The following RBFOX1 variants were observed in gnomAD, a reference collection of about 807,000 sequenced individuals.
RBFOX1 encodes RNA binding fox-1 homolog 1.
A neutral mutation model predicts 57.7 loss-of-function variants in RBFOX1; 8 were observed. That is an observed-to-expected ratio of 0.14 (90% CI 0.08 to 0.25). The LOEUF (loss-of-function observed/expected upper bound fraction) is 0.25. Ranked by LOEUF, RBFOX1 falls within the 10% of genes least tolerant of loss-of-function variation. RBFOX1 has a pLI of 1.00. For synonymous variants in RBFOX1, 326 were observed against 222.4 expected (o/e 1.47, Z -4.15); for missense variants, 611 against 548.5 (o/e 1.11, Z -1.14).
At chr16:6,892,470 G>C (rs898858313) in intron 3 of RBFOX1, among the ~76,000 whole-genome samples, 5 of 152,102 alleles carry the variant, frequency 3.3e-5, no homozygotes, top group African/African-American at 1.2e-4. Context: ...AGACGTTTGA[G>C]ACCAGCCTGG....
At chr16:5,997,342 C>T (rs764484095) in intron 4 of RBFOX1, among the ~76,000 whole-genome samples, 1 of 152,200 alleles carries the variant, frequency 6.6e-6, no homozygotes, top group Admixed American at 6.5e-5. Context: ...ATTCTGTTGT[C>T]TAGGGCAAGG....
intron 2 of RBFOX1, among the ~76,000 whole-genome samples, chr16:6,445,568 T>C (rs1439202269): frequency 6.6e-6 from 1 of 150,572 alleles, no homozygotes; most frequent in Non-Finnish European, 1.5e-5. Flanking sequence ...CTCCTTTTTT[T>C]TTTTTTTTTT....
At chr16:7,529,832 A>T (rs376653094) in intron 5 of RBFOX1, among the ~76,000 whole-genome samples, 97 of 151,886 alleles carry the variant, frequency 6.4e-4, no homozygotes, top group African/African-American at 2.2e-3. Flanking sequence ...AACCTAGTGA[A>T]ACCCCGTCTC....
rs1157444172 is a variant in RBFOX1 at position 7,115,398 on chromosome 16, TAATTCTTTTGCCTTAGTTACC to T, written c.27+63301_27+63321del. Among the ~76,000 whole-genome samples, 15 of 152,344 alleles carry T rather than the reference TAATTCTTTTGCCTTAGTTACC, an allele frequency of 9.8e-5. No individual in the cohort carries two copies. The East Asian group carries it at 2.9e-3, about 29-fold the overall frequency. On this transcript the variant is annotated intron_variant, in intron 4 of 15. Transcript: ENST00000550418. ...TTATATTCTAATGGAAAACAGAAACTAATTCTTTTGCCTTAGTTACCTATTGCTATGTAATTACCACCTCAT... is the reference window on the plus strand; with the variant it reads ...TTATATTCTAATGGAAAACAGAAACTTATTGCTATGTAATTACCACCTCAT...
intron 5 of RBFOX1, among the ~76,000 whole-genome samples, chr16:7,548,254 C>G (rs907904124): frequency 1.3e-5 from 2 of 152,170 alleles, no homozygotes; most frequent in African/African-American, 4.8e-5. Flanking sequence ...TCACTGCAAT[C>G]TCTGACTCCT....
At chr16:5,732,353 ACTGC>A (rs2052407399) in intron 3 of RBFOX1, among the ~76,000 whole-genome samples, 2 of 152,192 alleles carry the variant, frequency 1.3e-5, no homozygotes, top group African/African-American at 2.4e-5. Flanking sequence ...ACCAACAATG[ACTGC>A]CGGACTGAAG....
intron 5 of RBFOX1, among the ~76,000 whole-genome samples, chr16:7,555,664 C>T (rs1024828089): frequency 1.3e-5 from 2 of 152,266 alleles, no homozygotes; most frequent in East Asian, 1.9e-4. Flanking sequence ...ACCAGCCTCA[C>T]GCTTCATCAC....
At chr16:5,435,459 A>C (rs892691747) in intron 1 of RBFOX1, among the ~76,000 whole-genome samples, 1 of 152,154 alleles carries the variant, frequency 6.6e-6, no homozygotes, top group Non-Finnish European at 1.5e-5. Context: ...GAGTAGGGCT[A>C]TCCTGAAGGG....
intron 3 of RBFOX1, among the ~76,000 whole-genome samples, chr16:5,776,076 T>G (rs1027468638): frequency 6.6e-6 from 1 of 152,228 alleles, no homozygotes; most frequent in Non-Finnish European, 1.5e-5. Flanking sequence ...CCTTTCATTT[T>G]AATTAACATT....
At chr16:6,743,400 C>G (rs866159111) in intron 3 of RBFOX1, among the ~76,000 whole-genome samples, 3 of 152,070 alleles carry the variant, frequency 2.0e-5, no homozygotes, top group African/African-American at 4.8e-5. Context: ...AAAATAAGAT[C>G]AAATTATAGG....
intron 1 of RBFOX1, among the ~76,000 whole-genome samples, chr16:6,190,811 T>C (rs1160260718): frequency 6.6e-6 from 1 of 152,146 alleles, no homozygotes; most frequent in Non-Finnish European, 1.5e-5. Context: ...TGGCAAAGAA[T>C]TCTAAAAGGT....
chr16:6,312,602 GC>G (rs2080472367), intron 1 of RBFOX1, among the ~76,000 whole-genome samples: 1 of 152,066 alleles, frequency 6.6e-6, no homozygotes, highest in Non-Finnish European at 1.5e-5. Context: ...TTTTGGGGAG[GC>G]TGAGTGTGTC....
chr16:7,203,621 G>A (rs1431084575), intron 4 of RBFOX1, among the ~76,000 whole-genome samples: 2 of 152,192 alleles, frequency 1.3e-5, no homozygotes, highest in Non-Finnish European at 2.9e-5. Flanking sequence ...GTTTTCAGCT[G>A]GCACAGCTTT....
Position 7,205,010 on chromosome 16 carries a change from C to G in RBFOX1, c.27+152912C>G, listed in dbSNP as rs142598064. Among the ~76,000 whole-genome samples, 171 of 152,258 alleles carry G rather than the reference C, an allele frequency of 1.1e-3. 1 individual carries two copies. The highest frequency in any genetic ancestry group is 3.9e-3 in the African/African-American group (163 of 41,562). ...TTCTCTTTATCCTACACTCTCTTTT[C>G]CATGTGTAACAAGGGGAGGTGGGAG... On this transcript the variant is annotated intron_variant, in intron 4 of 15. Transcript: ENST00000550418.
rs116643647 is a variant in RBFOX1 at position 7,674,306 on chromosome 16, T to C, written c.931-2468T>C. On this transcript the variant is annotated intron_variant, in intron 13 of 15. Transcript: ENST00000550418. Reference sequence around the variant, plus strand: ...CTTTGGCCACCAGTCCCCATGTGGCTATTTACATTTAAATTCAAATTAACT... The same window carrying C: ...CTTTGGCCACCAGTCCCCATGTGGCCATTTACATTTAAATTCAAATTAACT... 4.3e-3 allele frequency among the ~76,000 whole-genome samples: 655 copies of C among 152,344 alleles called. 3 individuals are homozygous for C. The highest frequency in any genetic ancestry group is 0.015 in the African/African-American group (636 of 41,576).
chr16:6,364,894 G>T (rs746953813), intron 2 of RBFOX1, among the ~76,000 whole-genome samples: 1 of 152,136 alleles, frequency 6.6e-6, no homozygotes. Flanking sequence ...TGGGCGAGGG[G>T]CAGGGGGTGT....
chr16:7,018,816 T>C (rs558885721), intron 3 of RBFOX1, among the ~76,000 whole-genome samples: 2 of 151,270 alleles, frequency 1.3e-5, no homozygotes, highest in African/African-American at 4.9e-5. Context: ...ATACAACGTC[T>C]ACAGATTAAA....
chr16:7,286,303 A>G (rs1161482118), intron 4 of RBFOX1, among the ~76,000 whole-genome samples: 1 of 152,162 alleles, frequency 6.6e-6, no homozygotes, highest in Non-Finnish European at 1.5e-5. Context: ...TTCCACCTTC[A>G]GCATCATACA....
chr16:6,650,933 C>G (rs868459234), intron 2 of RBFOX1, among the ~76,000 whole-genome samples: 7 of 152,150 alleles, frequency 4.6e-5, no homozygotes, highest in African/African-American at 1.7e-4. Context: ...AACAGAGTCT[C>G]ACTTCGTTGC....
Sources: allele counts gnomAD v4.1 joint callset (sites outside exome capture counted in the v4.1 genomes callset), GRCh38; gene constraint gnomAD v4.1.1; transcripts MANE v1.5; gene names NCBI Gene and HGNC (gene_info 2026-07-23, HGNC 2026-07-21).